The following TMPRSS9 variants were observed in gnomAD, a reference collection of about 807,000 sequenced individuals.
TMPRSS9 encodes transmembrane protease serine 9.
In TMPRSS9, 113 loss-of-function variants were observed where a neutral mutation model predicts 111.4. The observed-to-expected ratio is 1.01, with a 90% CI of 0.87 to 1.19. The LOEUF is 1.19. Ranked by LOEUF, TMPRSS9 falls within the 50% of genes most tolerant of loss-of-function variation. TMPRSS9 has a pLI of 0.00. For synonymous variants in TMPRSS9, 805 were observed against 659.1 expected (o/e 1.22, Z -3.39); for missense variants, 1,803 against 1,513.1 (o/e 1.19, Z -3.18).
rs761206840 is a variant in TMPRSS9 at position 2,396,675 on chromosome 19, G to A, written c.270+9G>A. 4 of 1,602,298 alleles carry A rather than the reference G, an allele frequency of 2.5e-6. No individual in the cohort carries two copies. In the South Asian group the frequency reaches 3.3e-5, roughly 13 times the overall value. On this transcript the variant is annotated intron_variant, in intron 2 of 17. Coordinates refer to ENST00000648592, the Ensembl canonical transcript of TMPRSS9. ...CCACCCTGGAGGCACTGGTGAGGGT[G>A]GTCTGTGTTTGGGGGCCAGGGAGGA...
chr19:2,399,581 A>G (rs949222976), intron 4 of TMPRSS9, among the ~76,000 whole-genome samples: 3 of 102,190 alleles, frequency 2.9e-5, no homozygotes, highest in African/African-American at 8.5e-5. Flanking sequence ...CGTTTCAAAA[A>G]CAAACAAACA....
intron 8 of TMPRSS9, among the ~76,000 whole-genome samples, chr19:2,409,850 G>T (rs758506407): frequency 6.6e-6 from 1 of 152,034 alleles, no homozygotes; most frequent in Non-Finnish European, 1.5e-5. Flanking sequence ...AGTGAGTGGG[G>T]AACAGCTATA....
At chr19:2,422,917 C>A (rs951642839) in intron 14 of TMPRSS9, among the ~76,000 whole-genome samples, 1 of 151,770 alleles carries the variant, frequency 6.6e-6, no homozygotes, top group Non-Finnish European at 1.5e-5. Context: ...AAAAGCCAGG[C>A]GTGATGGTGC....
intron 1 of TMPRSS9, among the ~76,000 whole-genome samples, chr19:2,365,678 C>T (rs1025937007): frequency 6.6e-6 from 1 of 151,700 alleles, no homozygotes; most frequent in African/African-American, 2.4e-5. Flanking sequence ...GAGCCCAGAC[C>T]GAGGCTGGGG....
exon 18 of TMPRSS9, chr19:2,426,188 T>TGG: frequency 5.3e-6 from 5 of 945,480 alleles, no homozygotes; most frequent in Non-Finnish European, 4.1e-6. Flanking sequence ...AGGACGGGTG[T>TGG]GGGGGGGCTG....
chr19:2,420,518 C>T (rs906888741), intron 13 of TMPRSS9, among the ~76,000 whole-genome samples: 1 of 150,798 alleles, frequency 6.6e-6, no homozygotes, highest in Non-Finnish European at 1.5e-5. Context: ...CTAATCAATA[C>T]AAAATATCAA....
chr19:2,368,101 C>T (rs936477762), intron 1 of TMPRSS9, among the ~76,000 whole-genome samples: 1 of 152,118 alleles, frequency 6.6e-6, no homozygotes, highest in African/African-American at 2.4e-5. Context: ...TTGTAACTCT[C>T]TGGATTTGTG....
At chr19:2,403,324 G>A in intron 6 of TMPRSS9, 129 bp downstream of exon 7, 1 of 767,234 alleles carries the variant, frequency 1.3e-6, no homozygotes, top group Non-Finnish European at 2.1e-6. Context: ...GGGCTGGGCA[G>A]AGAAAAGAAA....
At chr19:2,372,378 T>A (rs955315702) in intron 1 of TMPRSS9, among the ~76,000 whole-genome samples, 8 of 151,578 alleles carry the variant, frequency 5.3e-5, no homozygotes, top group Non-Finnish European at 8.8e-5. Context: ...AAAAAAAAAA[T>A]AAATGATGCC....
intron 2 of TMPRSS9, among the ~76,000 whole-genome samples, chr19:2,396,872 C>T (rs138783309): frequency 0.011 from 1,717 of 151,504 alleles, 23 homozygotes; most frequent in Non-Finnish European, 0.016. Flanking sequence ...GCTGTATCCA[C>T]TGAGGACACA....
chr19:2,406,836 T>C (rs1400836342), intron 7 of TMPRSS9, among the ~76,000 whole-genome samples: 1 of 151,468 alleles, frequency 6.6e-6, no homozygotes, highest in Non-Finnish European at 1.5e-5. Flanking sequence ...AGTCTCACTC[T>C]GTCGCCCTGC....
At chr19:2,389,421 G>A (rs377451483), upstream of TMPRSS9, among the ~76,000 whole-genome samples, 344 of 144,850 alleles carry the variant, frequency 2.4e-3, 2 homozygotes, top group African/African-American at 8.2e-3. Context: ...CCGGGCTGGA[G>A]TGCAGTAGCG....
At chr19:2,393,641 G>A (rs1568176717) in intron 1 of TMPRSS9, among the ~76,000 whole-genome samples, 1 of 152,120 alleles carries the variant, frequency 6.6e-6, no homozygotes, top group African/African-American at 2.4e-5. Context: ...AGCTCACCCC[G>A]GTAATCCCAG....
intron 6 of TMPRSS9, 127 bp downstream of exon 7, chr19:2,403,322 C>T (rs1019571944): frequency 3.9e-6 from 3 of 772,324 alleles, no homozygotes; most frequent in Non-Finnish European, 6.4e-6. Flanking sequence ...GGGGGCTGGG[C>T]AGAGAAAAGA....
intron 1 of TMPRSS9, among the ~76,000 whole-genome samples, chr19:2,371,310 G>C (rs114360463): frequency 0.033 from 4,958 of 152,236 alleles, 300 homozygotes; most frequent in African/African-American, 0.11. Flanking sequence ...CCTCCTTGGG[G>C]GCCCCCACAC....
chr19:2,391,395 A>G (rs112489108), intron 1 of TMPRSS9, among the ~76,000 whole-genome samples: 77,943 of 145,094 alleles, frequency 0.54, 21,641 homozygotes, highest in Middle Eastern at 0.67. Flanking sequence ...TTTTTAAAAA[A>G]TATTTGTGGA....
intron 1 of TMPRSS9, among the ~76,000 whole-genome samples, chr19:2,384,501 T>C (rs1305707774): frequency 6.6e-6 from 1 of 150,774 alleles, no homozygotes; most frequent in Non-Finnish European, 1.5e-5. Flanking sequence ...CGAAACCCCA[T>C]CTCTACTGAA....
intron 1 of TMPRSS9, 33 bp from the exon 3 acceptor site, chr19:2,396,506 G>A: frequency 6.4e-7 from 1 of 1,563,440 alleles, no homozygotes; most frequent in Non-Finnish European, 8.7e-7. Context: ...CCCCAAAGGT[G>A]GGCTCTCTCA....
In TMPRSS9 at chr19:2,371,152, G is replaced by A. The variant is rs942277671; in HGVS notation, c.-26+10792G>A. 5.3e-5 allele frequency among the ~76,000 whole-genome samples: 8 copies of A among 152,242 alleles called. 1 individual carries two copies. Among genetic ancestry groups the A allele is most frequent in the African/African-American group, 1.7e-4 (7 of 41,544 alleles). On this transcript the variant is annotated intron_variant, in intron 1 of 17. Transcript: ENST00000649857. ...AACAGACACTGGCAGGTCTCAGAGT[G>A]GCATTAAGGACACGCTGGCCCTAAA...
Sources: gnomAD v4.1 joint callset for allele counts (sites outside exome capture counted in the v4.1 genomes callset) on GRCh38, gnomAD v4.1.1 for gene constraint, MANE v1.5 for transcripts, NCBI Gene and HGNC (gene_info 2026-07-23, HGNC 2026-07-21) for gene names.